Variants in SLC24A4 observed in about 807,000 individuals in gnomAD.
SLC24A4 encodes solute carrier family 24 member 4.
SLC24A4 carries 53 observed loss-of-function variants against 79.0 expected under a neutral mutation model. The ratio of observed to expected loss-of-function variants is 0.67; its 90% CI spans 0.54 to 0.84. The LOEUF is 0.84. Ranked by LOEUF, SLC24A4 falls within the 40% of genes least tolerant of loss-of-function variation. SLC24A4 has a pLI of 0.00. For synonymous variants in SLC24A4, 323 were observed against 323.8 expected (o/e 1.00, Z 0.03); for missense variants, 731 against 822.0 (o/e 0.89, Z 1.35).
chr14:92,440,672 G>C (rs1892441413), intron 4 of SLC24A4, among the ~76,000 whole-genome samples: 1 of 151,962 alleles, frequency 6.6e-6, no homozygotes, highest in South Asian at 2.1e-4. Flanking sequence ...GGTGAGCAAG[G>C]GTGGTGGTCT....
chr14:92,458,079 C>A (rs59018106), intron 12 of SLC24A4, among the ~76,000 whole-genome samples: 1 of 152,004 alleles, frequency 6.6e-6, no homozygotes, highest in East Asian at 1.9e-4. Context: ...GCATGCTCGT[C>A]GCAGCTATCC....
rs1273417069 is a variant in SLC24A4 at position 92,343,672 on chromosome 14, CCTTCCT to C, written c.241+17695_241+17700del. On this transcript the variant is annotated intron_variant, in intron 2 of 16. Transcript: ENST00000532405. Reference sequence around the variant, plus strand: ...TCCTTCTTTCCTTCCTTCCTTCCTTCCTTCCTTCCTTCCTTCCTTCCTTCCTTCCTT... The same window carrying C: ...TCCTTCTTTCCTTCCTTCCTTCCTTCTCCTTCCTTCCTTCCTTCCTTCCTT... Among the ~76,000 whole-genome samples, 1,206 of 138,514 alleles carry C rather than the reference CCTTCCT, an allele frequency of 8.7e-3. 13 individuals are homozygous for C. The highest frequency in any genetic ancestry group is 0.021 in the East Asian group (97 of 4,688). The allele number at this position is 138,514 out of a possible 152,430, so 90.9% of individuals were successfully genotyped here.
intron 5 of SLC24A4, among the ~76,000 whole-genome samples, chr14:92,442,429 A>G (rs1475537770): frequency 6.6e-6 from 1 of 152,164 alleles, no homozygotes; most frequent in Non-Finnish European, 1.5e-5. Context: ...AATTCTGTGA[A>G]TATACTAAAA....
In SLC24A4 at chr14:92,323,827, C is replaced by T; in HGVS notation, c.-4C>T. On this transcript the variant is annotated 5_prime_UTR_variant, in exon 1 of 17. Transcript: ENST00000532405. The surrounding 1 kb of genome is among the most constrained non-coding windows in gnomAD (Gnocchi z 4.9). ...TCCCAGAGACGGCACCCAGGCGCTC[C>T]GGGATGGCGCTCCGCGGGACCCTCC... 6.4e-7 allele frequency: 1 copy of T among 1,568,286 alleles called. No homozygotes were observed. The highest frequency in any genetic ancestry group is 8.6e-7 in the Non-Finnish European group (1 of 1,164,578).
intron 16 of SLC24A4, 62 bp from the exon 17 acceptor site, chr14:92,493,414 G>A: frequency 6.3e-7 from 1 of 1,588,106 alleles, no homozygotes; most frequent in Non-Finnish European, 8.6e-7. Context: ...TCGCTTTCCA[G>A]TAGAAATGCC....
In SLC24A4 at chr14:92,424,695, C is replaced by G. The variant is rs1432132999; in HGVS notation, c.242-9217C>G. 7.0e-5 allele frequency among the ~76,000 whole-genome samples: 10 copies of G among 142,350 alleles called. No individual in the cohort carries two copies. In the South Asian group the frequency reaches 2.2e-3, roughly 31 times the overall value. 93.4% of individuals were successfully genotyped at this position (142,350 alleles called of 152,430 possible). ...TGGGCATAATAGTGAGACCCTATCT[C>G]TACCAAAAAAAAAAAATACCAAAAA... is the stretch of plus-strand genomic sequence containing the variant. On this transcript the variant is annotated intron_variant, in intron 2 of 16. Transcript: ENST00000532405.
intron 2 of SLC24A4, among the ~76,000 whole-genome samples, chr14:92,354,524 T>C (rs1225025284): frequency 6.6e-6 from 1 of 152,234 alleles, no homozygotes; most frequent in Non-Finnish European, 1.5e-5. Flanking sequence ...TTATGTAGTT[T>C]ACAGTCTCAT....
intron 12 of SLC24A4, among the ~76,000 whole-genome samples, chr14:92,467,145 G>C (rs1291594799): frequency 6.6e-6 from 1 of 152,220 alleles, no homozygotes; most frequent in Non-Finnish European, 1.5e-5. Context: ...TCTTATGTGA[G>C]ATTTTGGGTA....
intron 13 of SLC24A4, among the ~76,000 whole-genome samples, chr14:92,486,024 A>G (rs536691701): frequency 4.6e-5 from 7 of 152,280 alleles, no homozygotes; most frequent in East Asian, 1.9e-4. Flanking sequence ...AGATGTGCCC[A>G]CCTCAGCACC....
At chr14:92,344,344 C>T (rs1886400849) in intron 2 of SLC24A4, among the ~76,000 whole-genome samples, 1 of 152,188 alleles carries the variant, frequency 6.6e-6, no homozygotes, top group African/African-American at 2.4e-5. Flanking sequence ...AAATGAGAAA[C>T]AATGTGTGTT....
intron 12 of SLC24A4, 49 bp downstream of exon 12, chr14:92,456,657 A>C: frequency 6.3e-7 from 1 of 1,577,854 alleles, no homozygotes; most frequent in Non-Finnish European, 8.6e-7. Context: ...TGGGGGCTCC[A>C]TTAGGACCAA....
At chr14:92,381,988 A>C (rs1888878393) in intron 2 of SLC24A4, among the ~76,000 whole-genome samples, 1 of 152,126 alleles carries the variant, frequency 6.6e-6, no homozygotes, top group Admixed American at 6.5e-5. Flanking sequence ...AAATGGATGT[A>C]AGTTCTTAAA....
At chr14:92,342,811 C>G (rs988935997) in intron 2 of SLC24A4, among the ~76,000 whole-genome samples, 3 of 152,232 alleles carry the variant, frequency 2.0e-5, no homozygotes, top group Non-Finnish European at 4.4e-5. Flanking sequence ...AGGATAAAGG[C>G]TGCTCCTCCC....
rs1053498526 is a variant in SLC24A4 at position 92,496,581 on chromosome 14, C to G, written c.*2953C>G. The stretch of plus-strand genomic sequence containing the variant: ...TGGAATTTTGCCTCACCAGGTCAAG[C>G]GTGGTTAGGGTGGAAGGTGTCCAGT... On this transcript the variant is annotated 3_prime_UTR_variant, in exon 17 of 17. Coordinates refer to ENST00000532405, the MANE Select transcript of SLC24A4 (RefSeq NM_153646.4). 6.6e-6 allele frequency: 1 copy of G among 152,106 alleles called. No individual in the cohort carries two copies. The highest frequency in any genetic ancestry group is 1.5e-5 in the Non-Finnish European group (1 of 68,020). 9.4% of individuals were successfully genotyped at this position (152,106 alleles called of 1,614,324 possible).
At chr14:92,484,808 A>C in intron 13 of SLC24A4, 1 of 985,428 alleles carries the variant, frequency 1.0e-6, no homozygotes, top group Non-Finnish European at 1.2e-6. Flanking sequence ...TCCAGTCGTT[A>C]GCCGCTTATT....
At chr14:92,469,507 C>CA (rs34883693) in intron 12 of SLC24A4, among the ~76,000 whole-genome samples, 97,943 of 145,372 alleles carry the variant, frequency 0.67, 33,653 homozygotes, top group Non-Finnish European at 0.76. Context: ...GACTCCATCT[C>CA]AAAAAAAAAA....
chr14:92,431,208 T>G, intron 2 of SLC24A4, among the ~76,000 whole-genome samples: 1 of 152,202 alleles, frequency 6.6e-6, no homozygotes, highest in East Asian at 1.9e-4. Flanking sequence ...TGTCAAGGAA[T>G]GAGTCTGTAA....
intron 2 of SLC24A4, among the ~76,000 whole-genome samples, chr14:92,408,778 T>C (rs1397783694): frequency 1.3e-5 from 2 of 152,350 alleles, no homozygotes; most frequent in East Asian, 3.9e-4. Context: ...CTGAAGCAAA[T>C]TAATCTATAC....
chr14:92,362,961 C>T (rs1394132350), intron 2 of SLC24A4, among the ~76,000 whole-genome samples: 2 of 152,228 alleles, frequency 1.3e-5, no homozygotes, highest in South Asian at 2.1e-4. Context: ...CCCGAGAAGA[C>T]GAGGCGCTCA....
Sources: allele counts gnomAD v4.1 joint callset (sites outside exome capture counted in the v4.1 genomes callset), GRCh38; gene constraint gnomAD v4.1.1; non-coding constraint Gnocchi (gnomAD v3.1); transcripts MANE v1.5; gene names NCBI Gene and HGNC (gene_info 2026-07-23, HGNC 2026-07-21).